Variants in CNTN3 observed in about 807,000 individuals in gnomAD.
CNTN3 encodes contactin-3.
A neutral mutation model predicts 119.1 loss-of-function variants in CNTN3; 60 were observed. The observed-to-expected ratio is 0.50, with a 90% CI of 0.41 to 0.62. The LOEUF is 0.62. CNTN3 is among the 20% of genes least tolerant of loss of function. The pLI, the probability that CNTN3 is intolerant of heterozygous loss-of-function variation, is 0.00. For synonymous variants in CNTN3, 450 were observed against 438.7 expected, an observed-to-expected ratio of 1.03 and a Z score of -0.32; for missense variants, 1,101 against 1,242.4, an observed-to-expected ratio of 0.89 and a Z score of 1.71.
At chr3:74,449,734 A>C (rs1354129940) in intron 4 of CNTN3, among the ~76,000 whole-genome samples, 5 of 152,144 alleles carry the variant, frequency 3.3e-5, no homozygotes, top group Non-Finnish European at 7.4e-5. Flanking sequence ...CAATCCAGAC[A>C]TTTACCAAAA....
Position 74,267,584 on chromosome 3 carries a change from C to G in CNTN3, c.2705-206G>C, listed in dbSNP as rs1468623737. 8.3e-6 allele frequency: 4 copies of G among 483,728 alleles called. No individual in the cohort carries two copies. In the Admixed American group the frequency reaches 1.3e-4, roughly 16 times the overall value. The allele number at this position is 483,728 out of a possible 1,614,324, so 30.0% of individuals were successfully genotyped here. On this transcript the variant is annotated intron_variant, in intron 20 of 22. Coordinates refer to ENST00000263665, the MANE Select transcript of CNTN3 (RefSeq NM_020872.3). ...AAGGCATTTCATTCATACACCAAAC[C>G]CCCGTGACACGTAATTTATTCATGT...
At chr3:74,474,226 T>C (rs1702614512) in intron 4 of CNTN3, among the ~76,000 whole-genome samples, 1 of 152,126 alleles carries the variant, frequency 6.6e-6, no homozygotes, top group Non-Finnish European at 1.5e-5. Context: ...GCTAAATAGA[T>C]GTGGAATACG....
intron 5 of CNTN3, among the ~76,000 whole-genome samples, chr3:74,395,850 CAT>C (rs1281574668): frequency 2.6e-5 from 4 of 152,218 alleles, no homozygotes; most frequent in Non-Finnish European, 5.9e-5. Context: ...GTGCTCACTA[CAT>C]GTCTCTGTGT....
At chr3:74,439,302 T>A (rs1177638326) in intron 4 of CNTN3, among the ~76,000 whole-genome samples, 1 of 151,984 alleles carries the variant, frequency 6.6e-6, no homozygotes, top group South Asian at 2.1e-4. Flanking sequence ...AGGCCAGGAG[T>A]TCGAGACCAC....
chr3:74,511,552 C>T (rs998264839), intron 2 of CNTN3, among the ~76,000 whole-genome samples: 1 of 151,910 alleles, frequency 6.6e-6, no homozygotes, highest in Admixed American at 6.6e-5. Flanking sequence ...GCCTGTAGTC[C>T]CAGCTACTTG....
At position 74,313,046 on chromosome 3, in the gene CNTN3, G is replaced by A. The variant is rs899804648; in HGVS notation, c.1669-10239C>T. Among the ~76,000 whole-genome samples the A allele has an allele frequency of 2.7e-5, 4 of 150,548 alleles. No homozygotes were observed. The East Asian group carries it at 5.9e-4, about 22-fold the overall frequency. ...AAACACTTTAACAGATATAAGGAAC[G>A]ACTTGGATTGGCTTATTAATAGACT... On this transcript the variant is annotated intron_variant, in intron 13 of 22. Transcript: ENST00000263665.
rs537636893 is a variant in CNTN3, at chr3:74,267,137, T to G, written c.2817+129A>C. ...AAAAATTACCCATTTTATGGAAAGC[T>G]TGGTATCTTTGTCAAAATTAGATTA... On this transcript the variant is annotated intron_variant, in intron 21 of 22. Transcript: ENST00000263665. 6.8e-6 allele frequency: 4 copies of G among 584,236 alleles called. No individual in the cohort carries two copies. In the African/African-American group the frequency reaches 7.4e-5, roughly 11 times the overall value. The allele number at this position is 584,236 out of a possible 1,614,324, so 36.2% of individuals were successfully genotyped here.
At chr3:74,443,226 C>T (rs912502072) in intron 4 of CNTN3, among the ~76,000 whole-genome samples, 4 of 152,162 alleles carry the variant, frequency 2.6e-5, no homozygotes, top group Non-Finnish European at 5.9e-5. Context: ...CAGAGCTTGA[C>T]AGTGGGAAGC....
chr3:74,385,577 G>A (rs2200742), intron 5 of CNTN3, among the ~76,000 whole-genome samples: 152,121 of 152,306 alleles, frequency 1, 75,968 homozygotes, highest in Non-Finnish European at 1. Flanking sequence ...TCCTCTAGGT[G>A]TGTGCCCTTT....
At chr3:74,586,247 G>A (rs73842133) in intron 1 of CNTN3, among the ~76,000 whole-genome samples, 6,503 of 152,000 alleles carry the variant, frequency 0.043, 152 homozygotes, top group African/African-American at 0.066. Flanking sequence ...TAGTGATAGG[G>A]GAGGTTTCTA....
At chr3:74,470,569 G>A (rs572896292) in intron 4 of CNTN3, among the ~76,000 whole-genome samples, 16 of 152,154 alleles carry the variant, frequency 1.1e-4, no homozygotes, top group Non-Finnish European at 1.5e-4. Context: ...AGCCTTGGGT[G>A]GATTTCATCC....
At chr3:74,582,854 C>T (rs755766004) in intron 1 of CNTN3, among the ~76,000 whole-genome samples, 1 of 151,274 alleles carries the variant, frequency 6.6e-6, no homozygotes, top group African/African-American at 2.4e-5. Context: ...AGCATTTACA[C>T]AAGAGAAAAG....
chr3:74,404,924 T>C (rs1224268641), intron 5 of CNTN3, among the ~76,000 whole-genome samples: 2 of 152,022 alleles, frequency 1.3e-5, no homozygotes, highest in Non-Finnish European at 2.9e-5. Flanking sequence ...AAAACCACTC[T>C]AGTCGAATCC....
intron 1 of CNTN3, among the ~76,000 whole-genome samples, chr3:74,568,446 G>T (rs547533718): frequency 6.6e-6 from 1 of 152,192 alleles, no homozygotes; most frequent in Admixed American, 6.5e-5. Flanking sequence ...ACAGTAAACT[G>T]AACAAACTCA....
At chr3:74,562,480 T>C (rs1441799930) in intron 1 of CNTN3, among the ~76,000 whole-genome samples, 1 of 152,158 alleles carries the variant, frequency 6.6e-6, no homozygotes, top group Non-Finnish European at 1.5e-5. Context: ...ATCCAGAAAA[T>C]GATTATTGAA....
At chr3:74,595,449 C>A (rs1704788845) in intron 1 of CNTN3, among the ~76,000 whole-genome samples, 1 of 152,024 alleles carries the variant, frequency 6.6e-6, no homozygotes, top group South Asian at 2.1e-4. Flanking sequence ...AGTCTTTAAT[C>A]CATCTTGAAT....
At chr3:74,549,438 T>C (rs562842763) in intron 1 of CNTN3, among the ~76,000 whole-genome samples, 2 of 152,302 alleles carry the variant, frequency 1.3e-5, no homozygotes, top group South Asian at 2.1e-4. Flanking sequence ...GAGAATGGAC[T>C]GATACACAGA....
intron 4 of CNTN3, among the ~76,000 whole-genome samples, chr3:74,450,321 C>A (rs1702125552): frequency 6.6e-6 from 1 of 151,988 alleles, no homozygotes; most frequent in Non-Finnish European, 1.5e-5. Flanking sequence ...TAAGAAAAAT[C>A]TCATACATTA....
chr3:74,423,515 G>T (rs867116755), intron 5 of CNTN3, among the ~76,000 whole-genome samples: 1 of 152,162 alleles, frequency 6.6e-6, no homozygotes, highest in East Asian at 1.9e-4. Flanking sequence ...ACCCCGTGGC[G>T]AGGCAGCACG....
Sources: gnomAD v4.1 joint callset for allele counts (sites outside exome capture counted in the v4.1 genomes callset) on GRCh38, gnomAD v4.1.1 for gene constraint, MANE v1.5 for transcripts, NCBI Gene and HGNC (gene_info 2026-07-23, HGNC 2026-07-21) for gene names.